Variants in LMTK3 observed in about 807,000 individuals in gnomAD.
The protein encoded by LMTK3 is serine/threonine-protein kinase LMTK3.
Under a neutral mutation model 116.7 loss-of-function variants are expected in LMTK3, and 27 were observed. The ratio of observed to expected loss-of-function variants is 0.23; its 90% confidence interval spans 0.17 to 0.32. The LOEUF (loss-of-function observed/expected upper bound fraction) is 0.32. LMTK3 is among the 10% of genes least tolerant of loss of function. The pLI is 1.00. For synonymous variants in LMTK3, 965 were observed against 971.0 expected, an observed-to-expected ratio of 0.99 and a Z score of 0.11; for missense variants, 1,764 against 2,068.5, an observed-to-expected ratio of 0.85 and a Z score of 2.86.
rs771558775 is a variant in LMTK3 at position 48,498,535 on chromosome 19, G to A, written c.2534C>T (p.Pro845Leu). 3.8e-6 allele frequency: 6 copies of A among 1,569,910 alleles called. No individual in the cohort carries two copies. The South Asian group carries it at 5.8e-5, about 15-fold the overall frequency. The change falls in exon 11 of 15, where the codon CCG (proline) becomes CTG (leucine). Residue 845 changes from proline (P) to leucine (L), a missense_variant. Around this residue, in one of 7 missense-constraint regions of LMTK3, gnomAD observed 1,028 missense variants for 1,050.6 expected, o/e 0.98. Transcript: ENST00000600059. ...GAAGGTCGGCTTCTCCCGGGGCCCC[G>A]GGAGTGGGAGCGGACCCGGGTCTGG... ...PPPDPGPLPL[P>L]GPREKPTFVV...
chr19:48,496,250 C>T (rs1332302729), intron 11 of LMTK3, among the ~76,000 whole-genome samples: 1 of 151,732 alleles, frequency 6.6e-6, no homozygotes, highest in Non-Finnish European at 1.5e-5. Context: ...GCTAGGACTA[C>T]AGGTGCATGC....
chr19:48,511,396 C>A (rs1360610855), intron 1 of LMTK3, 105 bp downstream of exon 1: 4 of 459,754 alleles, frequency 8.7e-6, no homozygotes, highest in Non-Finnish European at 1.4e-5. Flanking sequence ...CGGGAAGACG[C>A]GCACCAGGTG....
chr19:48,496,289 T>TC (rs760664490), intron 11 of LMTK3, among the ~76,000 whole-genome samples: 8 of 150,482 alleles, frequency 5.3e-5, no homozygotes, highest in African/African-American at 9.9e-5. Context: ...TTTCTTTTTT[T>TC]CTTTTTCTTT....
In LMTK3 at chr19:48,510,479, G is replaced by T. The variant is rs371873206; in HGVS notation, c.190C>A (p.Arg64=). The change falls in exon 2 of 15, where the codon CGG becomes AGG. Residue 64 remains arginine (R), a synonymous_variant. Transcript: ENST00000600059. ...CTCACCTTGAAGCCGACATCGCCCC[G>T]TTTGCAGCACAGACAGGTGAGGAGG... ...FLLLTCLCCK[R]GDVGFKEFEN... 118 of 1,597,274 alleles carry T rather than the reference G, an allele frequency of 7.4e-5. No individual in the cohort carries two copies. The highest frequency in any genetic ancestry group is 9.6e-5 in the Non-Finnish European group (112 of 1,172,250).
rs186796691 is a variant in LMTK3 at position 48,496,998 on chromosome 19, C to T, written c.3676+395G>A. ...TCCCTAGCATGCTTCATCCGTTTCC[C>T]TATGTCGTCTGGCCCCTGTGGGCAT... On this transcript the variant is annotated intron_variant, in intron 11 of 14. Coordinates refer to ENST00000600059, the MANE Select transcript of LMTK3 (RefSeq NM_001388485.1). 1.5e-3 allele frequency among the ~76,000 whole-genome samples: 235 copies of T among 152,356 alleles called. 2 individuals are homozygous for T. The highest frequency in any genetic ancestry group is 3.4e-3 in the Middle Eastern group (1 of 294).
chr19:48,488,280 A>C (rs1972159458), intron 14 of LMTK3, among the ~76,000 whole-genome samples: 1 of 152,080 alleles, frequency 6.6e-6, no homozygotes. Flanking sequence ...GATGCAGCCA[A>C]GTGAAGGAAG....
intron 14 of LMTK3, among the ~76,000 whole-genome samples, chr19:48,490,251 C>T (rs1359316404): frequency 1.3e-5 from 2 of 152,068 alleles, no homozygotes; most frequent in East Asian, 1.9e-4. Flanking sequence ...TGGCCAGGCC[C>T]GGTGGCTCAC....
upstream of LMTK3, among the ~76,000 whole-genome samples, chr19:48,512,400 C>T (rs938660680): frequency 6.6e-6 from 1 of 152,132 alleles, no homozygotes; most frequent in African/African-American, 2.4e-5. Context: ...GATCCACAGA[C>T]GCACACGCCA....
rs1972412734 is a variant in LMTK3 at position 48,499,288 on chromosome 19, G to A, written c.1781C>T (p.Pro594Leu). The change falls in exon 11 of 15, where the codon CCC becomes CTC. Residue 594 changes from proline (P) to leucine (L), a missense_variant. Transcript: ENST00000600059. ...TGACGCTGAGGACTGGGCTGGGAAG[G>A]GCCGGGGCGCAGGGAAGAGGGGGGA... The part of the protein sequence containing the change: ...WASPLFPAPR[P>L]FPAQSSASGS... 2 of 1,414,530 alleles carry A rather than the reference G, an allele frequency of 1.4e-6. No homozygotes were observed. Among genetic ancestry groups the A allele is most frequent in the South Asian group, 3.2e-5 (2 of 63,360 alleles). The allele number at this position is 1,414,530 out of a possible 1,614,324, so 87.6% of individuals were successfully genotyped here.
chr19:48,506,465 C>G (rs964234060), intron 5 of LMTK3, among the ~76,000 whole-genome samples: 7 of 152,094 alleles, frequency 4.6e-5, no homozygotes, highest in African/African-American at 1.7e-4. Context: ...AGCCCAGGGT[C>G]TGGCCAGGAG....
In LMTK3 at chr19:48,505,941, G is replaced by C. The variant is rs138625695; in HGVS notation, c.557+2910C>G. 3.7e-3 allele frequency among the ~76,000 whole-genome samples: 559 copies of C among 151,314 alleles called. 7 individuals are homozygous for C. Among genetic ancestry groups the C allele is most frequent in the African/African-American group, 0.013 (541 of 41,176 alleles). ...GAATCACCTGAGGTCAGGAGTTCGA[G>C]ACCAGCCTGGCCAACATGGTGAAAC... On this transcript the variant is annotated intron_variant, in intron 5 of 14. Coordinates refer to ENST00000600059, the MANE Select transcript of LMTK3 (RefSeq NM_001388485.1).
rs1329961021 is a variant in LMTK3 at position 48,498,743 on chromosome 19, C to T, written c.2326G>A (p.Val776Met). The T allele has an allele frequency of 1.4e-6, 2 of 1,458,618 alleles. No individual in the cohort carries two copies. Among genetic ancestry groups the T allele is most frequent in the African/African-American group, 1.5e-5 (1 of 67,690 alleles). The allele number at this position is 1,458,618 out of a possible 1,614,324, so 90.4% of individuals were successfully genotyped here. A position where few individuals can be genotyped will look rare whatever the true frequency, so the allele number is the denominator to read the frequency against. ...GAGAGGCCTGAACCGGGACTGGCCACGGCCGAAGGGGGGTCGGGGGACGCG... is the reference window on the plus strand; with the variant it reads ...GAGAGGCCTGAACCGGGACTGGCCATGGCCGAAGGGGGGTCGGGGGACGCG... ...PAASPDPPSAVASPGSGLSSP... is the reference protein window; with the variant it reads ...PAASPDPPSAMASPGSGLSSP... The change falls in exon 11 of 15, where the codon GTG (valine) becomes ATG (methionine). Residue 776 changes from valine to methionine, a missense_variant. Transcript: ENST00000600059.
chr19:48,497,839 G>A lies in LMTK3; in HGVS notation c.3230C>T (p.Pro1077Leu), dbSNP rs763199425. Residue 1077 changes from proline to leucine, a missense_variant, in exon 11 of 15, where the codon CCA becomes CTA. Pro to Leu is a moderately conservative substitution (Grantham distance 98). Around this residue, in one of 7 missense-constraint regions of LMTK3, gnomAD observed 1,028 missense variants for 1,050.6 expected, o/e 0.98. Transcript: ENST00000600059. This position sits in a 1 kb window ranked among gnomAD's most constrained non-coding sequence, Gnocchi z 5.7. ...TTCCAGCGTCCCGTTCTTGGGGGCT[G>A]GGCCAAGGGGGCCAGGGGCTGTCTC... ...GGETAPGPLG[P>L]APKNGTLEPG... 16 of 1,414,974 alleles carry A rather than the reference G, an allele frequency of 1.1e-5. No homozygotes were observed. The South Asian group carries it at 2.4e-4, about 21-fold the overall frequency. The allele number at this position is 1,414,974 out of a possible 1,614,324, so 87.7% of individuals were successfully genotyped here. A position where few individuals can be genotyped will look rare whatever the true frequency, so the allele number is the denominator to read the frequency against.
At position 48,485,481 on chromosome 19, in the gene LMTK3, GAGTTC is replaced by G. The variant is rs1192846784; in HGVS notation, c.*287_*291del. 3 of 430,238 alleles carry G rather than the reference GAGTTC, an allele frequency of 7.0e-6. No individual in the cohort carries two copies. The highest frequency in any genetic ancestry group is 1.3e-5 in the Non-Finnish European group (3 of 235,048). The allele number at this position is 430,238 out of a possible 1,614,324, so 26.7% of individuals were successfully genotyped here. On this transcript the variant is annotated 3_prime_UTR_variant, in exon 15 of 15. Coordinates refer to ENST00000600059, the MANE Select transcript of LMTK3 (RefSeq NM_001388485.1). ...GTGTCGAGGGGCTCCAGGCCCAAAA[GAGTTC>G]AGTTCAGTTCCGAGAAAGGCGGCTC...
Position 48,491,040 on chromosome 19 carries a change from G to A in LMTK3, c.4366+68C>T, listed in dbSNP as rs1972211738. The A allele has an allele frequency of 9.7e-7, 1 of 1,029,400 alleles. No individual in the cohort carries two copies. The highest frequency in any genetic ancestry group is 1.3e-6 in the Non-Finnish European group (1 of 786,740). 63.8% of individuals were successfully genotyped at this position (1,029,400 alleles called of 1,614,324 possible). On this transcript the variant is annotated intron_variant, in intron 14 of 14. Coordinates refer to ENST00000600059, the MANE Select transcript of LMTK3 (RefSeq NM_001388485.1). This position sits in a 1 kb window ranked among gnomAD's most constrained non-coding sequence, Gnocchi z 5.1. ...CAGGGACATTGAAAGATGGTCACAA[G>A]AAGTTGGCAGTGGAACATAGGGGGA...
Position 48,497,222 on chromosome 19 carries a change from G to T in LMTK3, c.3676+171C>A, listed in dbSNP as rs1417511216. Among the ~76,000 whole-genome samples the T allele has an allele frequency of 6.6e-6, 1 of 152,190 alleles. No homozygotes were observed. The highest frequency in any genetic ancestry group is 2.4e-5 in the African/African-American group (1 of 41,450). ...CGTGCAGCAAGGACATTTGCCCAAG[G>T]CCAAAGAGCTAGAGAGGGGGCTGAG... On this transcript the variant is annotated intron_variant, in intron 11 of 14. Coordinates refer to ENST00000600059, the MANE Select transcript of LMTK3 (RefSeq NM_001388485.1). The surrounding 1 kb of genome is among the most constrained non-coding windows in gnomAD (Gnocchi z 5.7).
chr19:48,509,693 C>T (rs1228547219), intron 3 of LMTK3, among the ~76,000 whole-genome samples, 180 bp from the exon 4 acceptor site: 1 of 152,150 alleles, frequency 6.6e-6, no homozygotes, highest in African/African-American at 2.4e-5. Context: ...CTCCAGCATC[C>T]AATCAGTCCT....
Position 48,510,109 on chromosome 19 carries a change from G to C in LMTK3, c.275C>G (p.Ser92Cys). The change falls in exon 3 of 15, where the codon TCC becomes TGC. Residue 92 changes from serine to cysteine, a missense_variant. By Grantham distance (112) the Ser-to-Cys change is moderately radical. Around this residue, in one of 7 missense-constraint regions of LMTK3, gnomAD observed 271 missense variants for 478.2 expected, o/e 0.57. Transcript: ENST00000600059. ...GEYTPPAEET[S>C]SSQSLPDVYI... The stretch of plus-strand genomic sequence containing the variant: ...GACATCAGGCAGCGACTGTGAGGAG[G>C]AGGTCTCCTCCGCAGGGGGAGTGTA... The C allele has an allele frequency of 6.2e-7, 1 of 1,613,960 alleles. No individual in the cohort carries two copies. Among genetic ancestry groups the C allele is most frequent in the South Asian group, 1.1e-5 (1 of 91,068 alleles).
At chr19:48,507,967 T>C (rs1972597575) in intron 5 of LMTK3, among the ~76,000 whole-genome samples, 1 of 152,090 alleles carries the variant, frequency 6.6e-6, no homozygotes, top group East Asian at 1.9e-4. Flanking sequence ...GGAAGATGTC[T>C]CTGAGCTGAG....
Sources: gnomAD v4.1 joint callset for allele counts (sites outside exome capture counted in the v4.1 genomes callset) on GRCh38, gnomAD v4.1.1 for gene constraint, gnomAD v4.1.1 regional missense constraint, Gnocchi (gnomAD v3.1) non-coding constraint, MANE v1.5 for transcripts, NCBI Gene and HGNC (gene_info 2026-07-23, HGNC 2026-07-21) for gene names.